Variants in PPP1R1C observed in about 807,000 individuals in gnomAD.
The protein encoded by PPP1R1C is protein phosphatase 1 regulatory inhibitor subunit 1C.
PPP1R1C carries 15 observed loss-of-function variants against 17.4 expected under a neutral mutation model. The observed-to-expected ratio is 0.86, with a 90% CI of 0.58 to 1.33. The LOEUF is 1.33. Ranked by LOEUF, PPP1R1C falls within the 40% of genes most tolerant of loss-of-function variation. PPP1R1C has a pLI of 0.00. For synonymous variants in PPP1R1C, 35 were observed against 43.1 expected, an observed-to-expected ratio of 0.81 and a Z score of 0.73; for missense variants, 143 against 130.0, an observed-to-expected ratio of 1.10 and a Z score of -0.48.
chr2:182,023,367 A>G (rs1433416751), intron 2 of PPP1R1C, among the ~76,000 whole-genome samples: 1 of 152,182 alleles, frequency 6.6e-6, no homozygotes, highest in Non-Finnish European at 1.5e-5. Context: ...GAAATTACTG[A>G]TCTGGATGAA....
intron 2 of PPP1R1C, among the ~76,000 whole-genome samples, chr2:182,006,994 T>G (rs545241761): frequency 2.6e-5 from 4 of 152,228 alleles, no homozygotes; most frequent in East Asian, 1.9e-4. Flanking sequence ...TAAAAATTGC[T>G]TATTGGTTTT....
chr2:182,085,490 G>GC (rs992007373), intron 4 of PPP1R1C, among the ~76,000 whole-genome samples: 4 of 151,978 alleles, frequency 2.6e-5, no homozygotes, highest in Admixed American at 6.6e-5. Context: ...TTACCCTTCA[G>GC]CCCCCATTCG....
chr2:182,058,814 T>C (rs1440648133), intron 2 of PPP1R1C, among the ~76,000 whole-genome samples: 1 of 152,182 alleles, frequency 6.6e-6, no homozygotes, highest in Non-Finnish European at 1.5e-5. Context: ...TAGCGTTGTC[T>C]CTGCATTCTG....
upstream of PPP1R1C, among the ~76,000 whole-genome samples, chr2:181,983,540 T>A (rs1685233463): frequency 1.3e-5 from 2 of 152,224 alleles, no homozygotes; most frequent in African/African-American, 2.4e-5. Flanking sequence ...TAACATTTTT[T>A]AGATTATTTT....
Position 182,031,179 on chromosome 2 carries a change from A to C in PPP1R1C, c.143-30263A>C, listed in dbSNP as rs559905857. 1.5e-3 allele frequency among the ~76,000 whole-genome samples: 230 copies of C among 152,346 alleles called. 1 individual carries two copies. The highest frequency in any genetic ancestry group is 4.5e-3 in the African/African-American group (188 of 41,594). ...TGCAGAAATCACCTGTCTTCTGCATAGCTCACGCTGGGAGCTGTAGACCGG... is the reference window on the plus strand; with the variant it reads ...TGCAGAAATCACCTGTCTTCTGCATCGCTCACGCTGGGAGCTGTAGACCGG... On this transcript the variant is annotated intron_variant, in intron 2 of 4. Transcript: ENST00000682840.
intron 2 of PPP1R1C, among the ~76,000 whole-genome samples, chr2:182,031,521 A>G (rs1353297843): frequency 6.6e-6 from 1 of 152,216 alleles, no homozygotes; most frequent in African/African-American, 2.4e-5. Flanking sequence ...ATGACTTAGG[A>G]TGTCATCATT....
At chr2:181,958,037 A>T (rs1684700167) in intron 1 of PPP1R1C, among the ~76,000 whole-genome samples, 1 of 152,314 alleles carries the variant, frequency 6.6e-6, no homozygotes, top group Middle Eastern at 3.4e-3. Context: ...CCCGTGTGAT[A>T]ACTGGGTTTC....
intron 2 of PPP1R1C, among the ~76,000 whole-genome samples, chr2:182,045,162 A>G (rs1352668111): frequency 3.3e-5 from 5 of 152,226 alleles, no homozygotes; most frequent in Admixed American, 6.5e-5. Flanking sequence ...GAAAACTGAG[A>G]AACTGCATGA....
chr2:182,046,682 T>C (rs1347387177), intron 2 of PPP1R1C, among the ~76,000 whole-genome samples: 1 of 150,072 alleles, frequency 6.7e-6, no homozygotes, highest in African/African-American at 2.5e-5. Flanking sequence ...GAGGTTGCAG[T>C]GAGCCGAGAT....
intron 2 of PPP1R1C, among the ~76,000 whole-genome samples, chr2:182,040,681 T>A (rs1326133159): frequency 6.6e-6 from 1 of 152,214 alleles, no homozygotes; most frequent in Non-Finnish European, 1.5e-5. Flanking sequence ...TATATATTTT[T>A]GTTTTTGTTG....
At chr2:182,047,269 C>T (rs1913896) in intron 2 of PPP1R1C, among the ~76,000 whole-genome samples, 112,943 of 151,974 alleles carry the variant, frequency 0.74, 42,224 homozygotes, top group Middle Eastern at 0.78. Flanking sequence ...AAATGACTAA[C>T]ACCTAAATTA....
intron 2 of PPP1R1C, among the ~76,000 whole-genome samples, chr2:182,056,153 C>G (rs1442965381): frequency 6.6e-6 from 1 of 152,204 alleles, no homozygotes; most frequent in Non-Finnish European, 1.5e-5. Flanking sequence ...GCTAGATACA[C>G]AGATGAGTGC....
At chr2:182,084,180 A>G (rs1461617905) in intron 4 of PPP1R1C, among the ~76,000 whole-genome samples, 1 of 151,818 alleles carries the variant, frequency 6.6e-6, no homozygotes, top group Non-Finnish European at 1.5e-5. Flanking sequence ...CTTTGTTGGA[A>G]GCACAGTTTG....
chr2:182,110,575 C>A (rs1488338746), intron 4 of PPP1R1C, among the ~76,000 whole-genome samples: 1 of 152,006 alleles, frequency 6.6e-6, no homozygotes, highest in Admixed American at 6.6e-5. Context: ...AGTACCCTGC[C>A]CAGAGGACAG....
intron 4 of PPP1R1C, among the ~76,000 whole-genome samples, chr2:182,074,387 G>T (rs1350153419): frequency 6.6e-6 from 1 of 151,964 alleles, no homozygotes; most frequent in African/African-American, 2.4e-5. Flanking sequence ...TTATCTGCTT[G>T]TTCCCAGTGC....
At chr2:182,045,084 C>T (rs1378133028) in intron 2 of PPP1R1C, among the ~76,000 whole-genome samples, 1 of 152,106 alleles carries the variant, frequency 6.6e-6, no homozygotes, top group Non-Finnish European at 1.5e-5. Context: ...TTCCATATAG[C>T]TACTAGAAAT....
intron 4 of PPP1R1C, among the ~76,000 whole-genome samples, chr2:182,097,585 G>A (rs1285700740): frequency 6.6e-6 from 1 of 152,132 alleles, no homozygotes; most frequent in South Asian, 2.1e-4. Context: ...CATGAAACTG[G>A]TGAGATTTAA....
chr2:182,084,040 T>C (rs535764617), intron 4 of PPP1R1C, among the ~76,000 whole-genome samples: 2 of 152,300 alleles, frequency 1.3e-5, no homozygotes, highest in Admixed American at 1.3e-4. Flanking sequence ...TTAAAATGTT[T>C]GTTGGTCATT....
intron 2 of PPP1R1C, among the ~76,000 whole-genome samples, chr2:182,010,495 T>C (rs539577715): frequency 1.5e-4 from 23 of 152,244 alleles, no homozygotes; most frequent in African/African-American, 4.6e-4. Context: ...TTTACTGAAT[T>C]AGTTTACCAG....
Sources: gnomAD v4.1 joint callset for allele counts (sites outside exome capture counted in the v4.1 genomes callset) on GRCh38, gnomAD v4.1.1 for gene constraint, MANE v1.5 for transcripts, NCBI Gene and HGNC (gene_info 2026-07-23, HGNC 2026-07-21) for gene names.